PREX2: variants seen among roughly 807,000 people sequenced by gnomAD.
PREX2 encodes phosphatidylinositol-3,4,5-trisphosphate dependent Rac exchange factor 2, also known as phosphatidylinositol 3,4,5-trisphosphate-dependent Rac exchanger 2 protein.
Under a neutral mutation model 203.2 loss-of-function variants are expected in PREX2, and 107 were observed. That is an observed-to-expected ratio of 0.53 (90% CI 0.45 to 0.62). The LOEUF is 0.62. Ranked by LOEUF, PREX2 falls within the 20% of genes least tolerant of loss-of-function variation. PREX2 has a pLI of 0.00. For missense variants in PREX2, 1,777 were observed against 1,955.9 expected (o/e 0.91, Z 1.72); for synonymous variants, 672 against 663.6 (o/e 1.01, Z -0.19).
chr8:68,022,656 A>C (rs767667985), intron 4 of PREX2, among the ~76,000 whole-genome samples: 2 of 152,200 alleles, frequency 1.3e-5, no homozygotes, highest in African/African-American at 4.8e-5. Context: ...ACTAATCGCT[A>C]GTGAGGAGCA....
At chr8:68,075,752 C>T (rs548151560) in intron 14 of PREX2, among the ~76,000 whole-genome samples, 2 of 152,164 alleles carry the variant, frequency 1.3e-5, no homozygotes, top group South Asian at 2.1e-4. Context: ...CAAAACAGCT[C>T]GATTTTTGAA....
At chr8:68,066,093 A>G (rs995748829) in intron 11 of PREX2, among the ~76,000 whole-genome samples, 6 of 152,162 alleles carry the variant, frequency 3.9e-5, no homozygotes, top group Non-Finnish European at 8.8e-5. Context: ...AATACATTAT[A>G]TCATATTTTC....
At chr8:68,180,435 G>A (rs1181725567) in intron 35 of PREX2, among the ~76,000 whole-genome samples, 1 of 151,938 alleles carries the variant, frequency 6.6e-6, no homozygotes, top group Non-Finnish European at 1.5e-5. Context: ...TGAATTATTT[G>A]TTTATGAACA....
At chr8:67,969,606 C>T (rs927765712) in intron 1 of PREX2, among the ~76,000 whole-genome samples, 1 of 152,136 alleles carries the variant, frequency 6.6e-6, no homozygotes, top group African/African-American at 2.4e-5. Flanking sequence ...TGTAGTTACT[C>T]CCTCAAGTCC....
At chr8:68,119,565 G>T (rs1342118573) in intron 28 of PREX2, 51 bp downstream of exon 28, 1 of 1,357,384 alleles carries the variant, frequency 7.4e-7, no homozygotes, top group Non-Finnish European at 1.1e-6. Context: ...ACTGTGAGGA[G>T]TCCCTTTTTC....
chr8:67,985,807 G>T (rs964063478), intron 1 of PREX2, among the ~76,000 whole-genome samples: 2 of 152,176 alleles, frequency 1.3e-5, no homozygotes, highest in Admixed American at 1.3e-4. Flanking sequence ...GGTCCTAGGG[G>T]CAACTGTTTC....
chr8:68,138,253 T>A (rs1416021868), intron 32 of PREX2, among the ~76,000 whole-genome samples, 162 bp from the exon 33 acceptor site: 1 of 152,158 alleles, frequency 6.6e-6, no homozygotes, highest in East Asian at 1.9e-4. Flanking sequence ...GTTCATTTCA[T>A]TTTGGGCAGT....
At chr8:68,163,115 A>C (rs1475164555) in intron 35 of PREX2, among the ~76,000 whole-genome samples, 1 of 152,220 alleles carries the variant, frequency 6.6e-6, no homozygotes. Context: ...ACTTATGTAC[A>C]AGCCAGTTTG....
At chr8:68,091,050 A>G (rs1045572068) in intron 20 of PREX2, among the ~76,000 whole-genome samples, 1 of 152,156 alleles carries the variant, frequency 6.6e-6, no homozygotes, top group Non-Finnish European at 1.5e-5. Flanking sequence ...ATATGTAATG[A>G]TCATTGTGTC....
At chr8:68,196,586 C>T (rs1193315391) in intron 37 of PREX2, among the ~76,000 whole-genome samples, 1 of 151,740 alleles carries the variant, frequency 6.6e-6, no homozygotes, top group Non-Finnish European at 1.5e-5. Context: ...ACCCAAATCT[C>T]ATGTTGAAAT....
chr8:68,027,360 G>A (rs773510186), intron 5 of PREX2, 37 bp downstream of exon 5: 2 of 1,238,672 alleles, frequency 1.6e-6, no homozygotes, highest in South Asian at 1.2e-5. Context: ...CCATTTTCTT[G>A]TATCTACATA....
In PREX2 at chr8:68,069,880, A is replaced by G. The variant is rs749291755; in HGVS notation, c.1489A>G (p.Ile497Val). 14 of 1,536,924 alleles carry G rather than the reference A, an allele frequency of 9.1e-6. No homozygotes were observed. The highest frequency in any genetic ancestry group is 1.7e-4 in the Middle Eastern group (1 of 5,876). ...TCTTCATAGCCTTTTTACTCCAGTG[A>G]TAAGGTGAGTCTGGTTTTTAAGTTC... ...CRLHSLFTPV[I>V]RDKDYHLRTY... Residue 497 changes from isoleucine (I) to valine (V), a missense_variant, in exon 13 of 40, where the codon ATA becomes GTA. Coordinates refer to ENST00000288368, the MANE Select transcript of PREX2 (RefSeq NM_024870.4).
intron 11 of PREX2, among the ~76,000 whole-genome samples, chr8:68,061,732 T>C (rs1808861765): frequency 1.3e-5 from 2 of 152,148 alleles, no homozygotes; most frequent in Admixed American, 6.5e-5. Context: ...CTGTGGACCG[T>C]GTAGGCCAGC....
At chr8:67,994,333 A>G (rs1422312511) in intron 1 of PREX2, among the ~76,000 whole-genome samples, 2 of 152,210 alleles carry the variant, frequency 1.3e-5, no homozygotes, top group Non-Finnish European at 2.9e-5. Context: ...TGCGTTTGAC[A>G]GGCATTTCAC....
intron 32 of PREX2, among the ~76,000 whole-genome samples, chr8:68,135,099 T>TTTGTGTGTGTGTGTGTGTGTG (rs1554580154): frequency 6.7e-6 from 1 of 148,790 alleles, no homozygotes; most frequent in East Asian, 2.0e-4. Context: ...AAAACAAATT[T>TTTGTGTGTGTGTGTGTGTGTG]TGTGTGTGTG....
chr8:68,120,656 A>G (rs1585810256), intron 29 of PREX2, among the ~76,000 whole-genome samples: 1 of 152,156 alleles, frequency 6.6e-6, no homozygotes, highest in Admixed American at 6.5e-5. Context: ...AATGGAAAGG[A>G]TGGAGCTGCC....
chr8:68,138,779 T>A (rs17448397), intron 33 of PREX2, among the ~76,000 whole-genome samples: 1,845 of 152,296 alleles, frequency 0.012, 17 homozygotes, highest in Middle Eastern at 0.02. Context: ...CACATTCCCA[T>A]AAATATAGTT....
At chr8:67,960,156 C>T (rs1338483331) in intron 1 of PREX2, among the ~76,000 whole-genome samples, 1 of 152,136 alleles carries the variant, frequency 6.6e-6, no homozygotes, top group South Asian at 2.1e-4. Flanking sequence ...ATTCTCCTGC[C>T]TCAGCCTCCT....
rs554635093 is a variant in PREX2, at chr8:68,163,813, A to G, written c.4346+6377A>G. On this transcript the variant is annotated intron_variant, in intron 35 of 39. Transcript: ENST00000288368. The stretch of plus-strand genomic sequence containing the variant: ...GGTTTAAACCTCACCTGTCTCATCT[A>G]AACTCCCAAGGAAATGAGTAGTGTC... Among the ~76,000 whole-genome samples the G allele has an allele frequency of 5.9e-5, 9 of 152,280 alleles. No individual in the cohort carries two copies. The East Asian group carries it at 1.7e-3, about 29-fold the overall frequency.
Sources: gnomAD v4.1 joint callset for allele counts (sites outside exome capture counted in the v4.1 genomes callset) on GRCh38, gnomAD v4.1.1 for gene constraint, MANE v1.5 for transcripts, NCBI Gene and HGNC (gene_info 2026-07-23, HGNC 2026-07-21) for gene names.